MAGI2: variants seen among roughly 807,000 people sequenced by gnomAD.
MAGI2 encodes membrane-associated guanylate kinase, WW and PDZ domain-containing protein 2.
MAGI2 carries 35 observed loss-of-function variants against 133.3 expected under a neutral mutation model. That is an observed-to-expected ratio of 0.26 (90% CI 0.20 to 0.35). The LOEUF (loss-of-function observed/expected upper bound fraction) is 0.35. Among genes scored for constraint, MAGI2 ranks in the 10% least tolerant of loss-of-function variants. MAGI2 has a pLI of 1.00. For synonymous variants in MAGI2, 729 were observed against 710.6 expected, an observed-to-expected ratio of 1.03 and a Z score of -0.41; for missense variants, 1,636 against 1,863.4, an observed-to-expected ratio of 0.88 and a Z score of 2.25.
At chr7:78,776,148 T>C (rs920144427) in intron 2 of MAGI2, among the ~76,000 whole-genome samples, 5 of 152,256 alleles carry the variant, frequency 3.3e-5, no homozygotes, top group African/African-American at 7.2e-5. Context: ...AGAACTATTA[T>C]GTTCTCATTA....
chr7:78,926,496 C>T (rs1799702601), intron 2 of MAGI2, among the ~76,000 whole-genome samples: 1 of 151,932 alleles, frequency 6.6e-6, no homozygotes, highest in African/African-American at 2.4e-5. Flanking sequence ...CTCCCAGTTG[C>T]CCTATGCCAT....
At chr7:78,626,733 G>A (rs1374548354) in intron 3 of MAGI2, among the ~76,000 whole-genome samples, 1 of 151,802 alleles carries the variant, frequency 6.6e-6, no homozygotes. Context: ...TAGAATTCTA[G>A]CCCTTCCTTC....
intron 9 of MAGI2, among the ~76,000 whole-genome samples, chr7:78,270,226 T>G (rs566895151): frequency 1.3e-5 from 2 of 152,186 alleles, no homozygotes; most frequent in Non-Finnish European, 2.9e-5. Flanking sequence ...TTCTTTTTGC[T>G]TAGGATTGTC....
At chr7:79,133,462 T>C (rs1465637581) in intron 1 of MAGI2, among the ~76,000 whole-genome samples, 2 of 152,190 alleles carry the variant, frequency 1.3e-5, no homozygotes, top group Non-Finnish European at 2.9e-5. Flanking sequence ...GTTGACTATA[T>C]GTATTTGGCT....
Position 78,991,317 on chromosome 7 carries a change from TAC to T in MAGI2, c.418+15771_418+15772del, listed in dbSNP as rs148776305. Among the ~76,000 whole-genome samples the T allele has an allele frequency of 2.3e-3, 297 of 131,678 alleles. 3 individuals carry two copies. Among genetic ancestry groups the T allele is most frequent in the Admixed American group, 0.012 (164 of 13,330 alleles). 86.4% of individuals were successfully genotyped at this position (131,678 alleles called of 152,430 possible). A position where few individuals can be genotyped will look rare whatever the true frequency, so the allele number is the denominator to read the frequency against. ...GAGAATGGACTAATAGACACACACA[TAC>T]ACACACACACACACACACACCCCTA... On this transcript the variant is annotated intron_variant, in intron 2 of 21. Transcript: ENST00000354212.
rs151004029 is a variant in MAGI2 at position 78,323,434 on chromosome 7, A to T, written c.1408+20344T>A. Among the ~76,000 whole-genome samples the T allele has an allele frequency of 2.6e-5, 4 of 152,174 alleles. No individual in the cohort carries two copies. The South Asian group carries it at 8.3e-4, about 32-fold the overall frequency. On this transcript the variant is annotated intron_variant, in intron 9 of 21. Transcript: ENST00000354212. ...AGAAGACATCAACCCTCTTTGGATC[A>T]CTTCTTAGGTAACACTACATTCTTT... is the stretch of plus-strand genomic sequence containing the variant.
chr7:78,500,166 G>A (rs552916670), intron 5 of MAGI2, among the ~76,000 whole-genome samples: 9 of 152,160 alleles, frequency 5.9e-5, no homozygotes, highest in African/African-American at 1.2e-4. Flanking sequence ...TCCCTTGGTC[G>A]CATGATTCAG....
At chr7:78,428,549 G>C (rs1217734479) in intron 6 of MAGI2, among the ~76,000 whole-genome samples, 1 of 152,074 alleles carries the variant, frequency 6.6e-6, no homozygotes, top group African/African-American at 2.4e-5. Context: ...TTGTCAAAAA[G>C]TATATTTAAA....
intron 21 of MAGI2, among the ~76,000 whole-genome samples, chr7:78,058,003 A>ATATATATATATATATATGTGTG: frequency 8.5e-6 from 1 of 117,028 alleles, no homozygotes; most frequent in Non-Finnish European, 1.8e-5. Context: ...ATATATATAT[A>ATATATATATATATATATGTGTG]TGTATGAGAA....
chr7:78,069,925 C>A (rs368660391), intron 21 of MAGI2, among the ~76,000 whole-genome samples: 10 of 151,802 alleles, frequency 6.6e-5, no homozygotes, highest in East Asian at 1.9e-4. Flanking sequence ...GGAGCTGGAA[C>A]CTTTAGGTTT....
At chr7:78,536,440 G>A (rs933188512) in intron 3 of MAGI2, among the ~76,000 whole-genome samples, 2 of 152,092 alleles carry the variant, frequency 1.3e-5, no homozygotes, top group African/African-American at 4.8e-5. Context: ...TGATTCCCCT[G>A]TCTTGATAAG....
chr7:79,211,897 T>C (rs1307327176), intron 1 of MAGI2, among the ~76,000 whole-genome samples: 1 of 151,996 alleles, frequency 6.6e-6, no homozygotes, highest in Non-Finnish European at 1.5e-5. Context: ...AGCCAGCTAC[T>C]TGGTCATGTT....
chr7:78,866,706 A>G (rs1794584394), intron 2 of MAGI2, among the ~76,000 whole-genome samples: 1 of 152,062 alleles, frequency 6.6e-6, no homozygotes, highest in Non-Finnish European at 1.5e-5. Flanking sequence ...AATGGAAAAG[A>G]TAGTATAAAT....
At chr7:78,052,114 A>G (rs1300944495) in intron 21 of MAGI2, among the ~76,000 whole-genome samples, 1 of 151,294 alleles carries the variant, frequency 6.6e-6, no homozygotes, top group Non-Finnish European at 1.5e-5. Context: ...TCAGCGATCC[A>G]CTCACCCTGG....
chr7:79,190,517 T>A (rs1827557935), intron 1 of MAGI2, among the ~76,000 whole-genome samples: 1 of 151,954 alleles, frequency 6.6e-6, no homozygotes, highest in Non-Finnish European at 1.5e-5. Context: ...ATATTTTGGA[T>A]ACCAATTCTT....
chr7:78,347,546 T>C (rs4727672), intron 7 of MAGI2, among the ~76,000 whole-genome samples: 53,489 of 152,076 alleles, frequency 0.35, 10,002 homozygotes, highest in East Asian at 0.61. Context: ...GAGGATTAAG[T>C]GAAATAATGA....
At chr7:78,809,061 A>G (rs1206393278) in intron 2 of MAGI2, among the ~76,000 whole-genome samples, 2 of 152,212 alleles carry the variant, frequency 1.3e-5, no homozygotes, top group Non-Finnish European at 2.9e-5. Context: ...ATAACTTAAC[A>G]TTGATGGTGA....
intron 2 of MAGI2, among the ~76,000 whole-genome samples, chr7:78,654,703 G>T (rs1015419789): frequency 8.4e-6 from 1 of 118,438 alleles, no homozygotes; most frequent in Non-Finnish European, 1.7e-5. Context: ...TTACATATAT[G>T]TATATATATA....
chr7:78,874,072 A>G (rs1207692762), intron 2 of MAGI2, among the ~76,000 whole-genome samples: 1 of 152,224 alleles, frequency 6.6e-6, no homozygotes, highest in Admixed American at 6.5e-5. Context: ...GAATAACCAT[A>G]TATGAAATAT....
Sources: allele counts gnomAD v4.1 joint callset (sites outside exome capture counted in the v4.1 genomes callset), GRCh38; gene constraint gnomAD v4.1.1; transcripts MANE v1.5; gene names NCBI Gene and HGNC (gene_info 2026-07-23, HGNC 2026-07-21).